The following MYO7A variants were observed in gnomAD, a reference collection of about 807,000 sequenced individuals.
MYO7A encodes myosin VIIA, also known as unconventional myosin-VIIa.
In MYO7A, 210 loss-of-function variants were observed where a neutral mutation model predicts 263.8. The observed-to-expected ratio is 0.80, with a 90% confidence interval of 0.71 to 0.89. MYO7A has a LOEUF of 0.89. Ranked by LOEUF, MYO7A falls within the 40% of genes least tolerant of loss-of-function variation. The probability of loss-of-function intolerance (pLI) is 0.00; values close to 1 mark genes in which losing one functional copy is unlikely to be tolerated. For synonymous variants in MYO7A, 1,239 were observed against 1,197.3 expected (o/e 1.03, Z -0.72); for missense variants, 2,820 against 2,968.3 (o/e 0.95, Z 1.16).
intron 32 of MYO7A, among the ~76,000 whole-genome samples, chr11:77,197,265 T>C (rs1956729872): frequency 6.6e-6 from 1 of 152,202 alleles, no homozygotes; most frequent in Admixed American, 6.5e-5. Flanking sequence ...CCCCAGCACC[T>C]GCATAGAGCT....
intron 2 of MYO7A, among the ~76,000 whole-genome samples, chr11:77,131,889 A>G (rs1343527821): frequency 6.6e-6 from 1 of 152,180 alleles, no homozygotes; most frequent in African/African-American, 2.4e-5. Context: ...GGCCGGGCCT[A>G]ATGGGCTCCA....
chr11:77,131,159 T>G (rs1222813738), intron 2 of MYO7A, among the ~76,000 whole-genome samples: 1 of 152,124 alleles, frequency 6.6e-6, no homozygotes, highest in Non-Finnish European at 1.5e-5. Flanking sequence ...AGGGCCACAG[T>G]GGCCTCTGAC....
intron 2 of MYO7A, among the ~76,000 whole-genome samples, chr11:77,133,999 G>A (rs1325087559): frequency 4.6e-5 from 7 of 151,658 alleles, no homozygotes; most frequent in African/African-American, 9.7e-5. Context: ...ACACAATCTC[G>A]GCCCACTGCA....
intron 3 of MYO7A, among the ~76,000 whole-genome samples, chr11:77,147,005 C>A (rs1555054019): frequency 6.6e-6 from 1 of 152,116 alleles, no homozygotes; most frequent in African/African-American, 2.4e-5. Context: ...GCTGGGCAGG[C>A]AGCCTGTGTC....
intron 22 of MYO7A, among the ~76,000 whole-genome samples, chr11:77,181,019 C>CT (rs1955135025): frequency 6.6e-6 from 1 of 152,074 alleles, no homozygotes; most frequent in South Asian, 2.1e-4. Flanking sequence ...TTCCTTTTTG[C>CT]TTTTTAAAAC....
At chr11:77,136,693 G>A (rs1170769465) in intron 2 of MYO7A, among the ~76,000 whole-genome samples, 10 of 152,182 alleles carry the variant, frequency 6.6e-5, no homozygotes, top group African/African-American at 2.2e-4. Flanking sequence ...AAATCCTCAC[G>A]AGCACGTGGA....
intron 32 of MYO7A, among the ~76,000 whole-genome samples, chr11:77,196,431 T>A (rs11237112): frequency 0.061 from 9,312 of 151,898 alleles, 746 homozygotes; most frequent in African/African-American, 0.19. Flanking sequence ...GGGTGAGGAC[T>A]TTAATACGCA....
chr11:77,150,533 C>A (rs1951889092), intron 4 of MYO7A, among the ~76,000 whole-genome samples: 1 of 152,104 alleles, frequency 6.6e-6, no homozygotes. Flanking sequence ...TCCAGAAAGG[C>A]CCCAAATCTG....
rs778477059 is a variant in MYO7A, at chr11:77,192,139, G to T, written c.4013G>T (p.Arg1338Leu). Residue 1338 changes from arginine to leucine, a missense_variant, in exon 31 of 49, where the codon CGC (arginine) becomes CTC (leucine). Transcript: ENST00000409709. ...QYAKEQGAQE[R>L]NAPWRLFFRK... ...GCCAAGGAGCAGGGCGCCCAGGAGC[G>T]CAACGCCCCCTGGAGGCTCTTCTTC... The T allele has an allele frequency of 3.7e-6, 6 of 1,613,940 alleles. No individual in the cohort carries two copies. Among genetic ancestry groups the T allele is most frequent in the Non-Finnish European group, 5.1e-6 (6 of 1,179,896 alleles).
chr11:77,129,927 G>A (rs983546642), intron 1 of MYO7A, among the ~76,000 whole-genome samples: 2 of 152,230 alleles, frequency 1.3e-5, no homozygotes, highest in South Asian at 4.1e-4. Flanking sequence ...AGAAAAGACC[G>A]AGGCATCAGC....
chr11:77,208,388 G>A, intron 42 of MYO7A, 42 bp from the exon 43 acceptor site: 1 of 1,477,118 alleles, frequency 6.8e-7, no homozygotes. Flanking sequence ...AGAAAATGCA[G>A]TGTTGCTTAA....
chr11:77,201,209 G>A (rs750141489), intron 35 of MYO7A, among the ~76,000 whole-genome samples: 4 of 152,184 alleles, frequency 2.6e-5, no homozygotes, highest in Non-Finnish European at 4.4e-5. Context: ...TGGGAGGCCC[G>A]CTCACAACAG....
Position 77,166,109 on chromosome 11 carries a change from C to T in MYO7A, c.1744C>T (p.His582Tyr). 6.2e-7 allele frequency: 1 copy of T among 1,613,912 alleles called. No homozygotes were observed. Among genetic ancestry groups the T allele is most frequent in the Non-Finnish European group, 8.5e-7 (1 of 1,179,878 alleles). Reference sequence around the variant, plus strand: ...GCATGGGGACATTATCCAGCTGGTCCACTCCTCCAGGAACAAGTTCATCAA... The same window carrying T: ...GCATGGGGACATTATCCAGCTGGTCTACTCCTCCAGGAACAAGTTCATCAA... ...TLHGDIIQLV[H>Y]SSRNKFIKQI... is the part of the protein sequence containing the mutation. The change falls in exon 15 of 49, where the codon CAC (histidine) becomes TAC (tyrosine). Residue 582 changes from histidine (H) to tyrosine (Y), a missense_variant. Transcript: ENST00000409709.
intron 9 of MYO7A, 137 bp from the exon 10 acceptor site, chr11:77,159,310 A>T: frequency 1.4e-6 from 1 of 698,810 alleles, no homozygotes; most frequent in Non-Finnish European, 2.5e-6. Flanking sequence ...GGAAGCATTT[A>T]GTCACAATGC....
At chr11:77,136,795 G>C (rs1351138299) in intron 2 of MYO7A, among the ~76,000 whole-genome samples, 1 of 152,210 alleles carries the variant, frequency 6.6e-6, no homozygotes, top group Non-Finnish European at 1.5e-5. Context: ...GTGAGTGGCT[G>C]AGCTGGGATT....
Position 77,179,141 on chromosome 11 carries a change from C to A in MYO7A, c.2367+12C>A. 6.3e-7 allele frequency: 1 copy of A among 1,588,310 alleles called. No homozygotes were observed. Among genetic ancestry groups the A allele is most frequent in the South Asian group, 1.1e-5 (1 of 87,056 alleles). On this transcript the variant is annotated intron_variant, in intron 20 of 48. Coordinates refer to ENST00000409709, the MANE Select transcript of MYO7A (RefSeq NM_000260.4). ...AGAACTACGGGCTGGTGAGCCTCCC[C>A]ATGGGCTGCTCTTGCCCAAACAGGC...
intron 22 of MYO7A, among the ~76,000 whole-genome samples, chr11:77,181,099 G>T (rs186585384): frequency 2.5e-4 from 38 of 152,342 alleles, no homozygotes; most frequent in African/African-American, 9.1e-4. Flanking sequence ...TCAAGCCAAT[G>T]GCCGTGGGAT....
intron 2 of MYO7A, among the ~76,000 whole-genome samples, chr11:77,136,437 A>G (rs1950905798): frequency 6.6e-6 from 1 of 152,152 alleles, no homozygotes; most frequent in Non-Finnish European, 1.5e-5. Context: ...GGTCTCCCCC[A>G]GGGGACCTCT....
intron 2 of MYO7A, among the ~76,000 whole-genome samples, chr11:77,132,494 T>C: frequency 6.6e-6 from 1 of 152,098 alleles, no homozygotes; most frequent in East Asian, 1.9e-4. Context: ...TTTGTTTGTG[T>C]GTGTGTTTGT....
Sources: gnomAD v4.1 joint callset for allele counts (sites outside exome capture counted in the v4.1 genomes callset) on GRCh38, gnomAD v4.1.1 for gene constraint, MANE v1.5 for transcripts, NCBI Gene and HGNC (gene_info 2026-07-23, HGNC 2026-07-21) for gene names.